MYBL2: variants seen among roughly 807,000 people sequenced by gnomAD.
MYBL2 encodes the protein MYB proto-oncogene like 2.
Under a neutral mutation model 79.9 loss-of-function variants are expected in MYBL2, and 28 were observed. That is an observed-to-expected ratio of 0.35 (90% CI 0.26 to 0.48). The LOEUF is 0.48. Ranked by LOEUF, MYBL2 falls within the 20% of genes least tolerant of loss-of-function variation. The pLI, the probability that MYBL2 is intolerant of heterozygous loss-of-function variation, is 0.99. For missense variants in MYBL2, 735 were observed against 893.9 expected (o/e 0.82, Z 2.27); for synonymous variants, 378 against 361.2 (o/e 1.05, Z -0.53).
intron 9 of MYBL2, among the ~76,000 whole-genome samples, chr20:43,707,760 T>G (rs1390812791): frequency 1.3e-5 from 2 of 152,058 alleles, no homozygotes; most frequent in Non-Finnish European, 2.9e-5. Context: ...GGTATTTCTC[T>G]ATTTTTTTCC....
At chr20:43,670,898 T>A (rs1473240796) in intron 1 of MYBL2, among the ~76,000 whole-genome samples, 1 of 151,954 alleles carries the variant, frequency 6.6e-6, no homozygotes, top group Non-Finnish European at 1.5e-5. Context: ...CGGGTGGAGT[T>A]GGGGAAAGAT....
At chr20:43,684,802 A>T (rs1987228615) in intron 4 of MYBL2, among the ~76,000 whole-genome samples, 1 of 149,270 alleles carries the variant, frequency 6.7e-6, no homozygotes, top group African/African-American at 2.5e-5. Flanking sequence ...ACACCACTGT[A>T]CTCCAGTCTG....
intron 6 of MYBL2, among the ~76,000 whole-genome samples, chr20:43,695,037 A>T (rs1479709763): frequency 4.9e-5 from 7 of 144,032 alleles, no homozygotes; most frequent in African/African-American, 7.7e-5. Flanking sequence ...CAGGAGGTCA[A>T]TTTTTTTTTT....
In MYBL2 at chr20:43,716,283, T is replaced by A; in HGVS notation, c.*196T>A. The A allele has an allele frequency of 1.3e-6, 1 of 766,494 alleles. No individual in the cohort carries two copies. Among genetic ancestry groups the A allele is most frequent in the East Asian group, 3.0e-5 (1 of 32,926 alleles). The allele number at this position is 766,494 out of a possible 1,614,324, so 47.5% of individuals were successfully genotyped here. A position where few individuals can be genotyped will look rare whatever the true frequency, so the allele number is the denominator to read the frequency against. ...GAGCCCAGCTGTGGGCGGCTCCTGG[T>A]GCTAACAACAAAGTTCCACTTCCAG... On this transcript the variant is annotated 3_prime_UTR_variant, in exon 14 of 14. Transcript: ENST00000217026.
chr20:43,713,402 T>C (rs2145736955), intron 12 of MYBL2, among the ~76,000 whole-genome samples: 1 of 151,822 alleles, frequency 6.6e-6, no homozygotes, highest in Middle Eastern at 3.4e-3. Flanking sequence ...TTTTTTTTTT[T>C]TTGAATTGGA....
intron 9 of MYBL2, 89 bp from the exon 10 acceptor site, chr20:43,709,874 C>T (rs1987866530): frequency 6.5e-6 from 7 of 1,075,138 alleles, no homozygotes; most frequent in Non-Finnish European, 5.4e-6. Flanking sequence ...GGCCAAAGGT[C>T]GCACTGGGGG....
At chr20:43,687,279 C>A (rs545863213) in intron 5 of MYBL2, among the ~76,000 whole-genome samples, 38 of 152,300 alleles carry the variant, frequency 2.5e-4, no homozygotes, top group African/African-American at 8.4e-4. Flanking sequence ...CTTAAAAGAA[C>A]AGATGGTGAT....
At chr20:43,706,975 A>G (rs908124303) in intron 9 of MYBL2, among the ~76,000 whole-genome samples, 6 of 151,154 alleles carry the variant, frequency 4.0e-5, no homozygotes, top group East Asian at 2.0e-4. Context: ...CGGCTTCCCA[A>G]AGTGCTGGGA....
At chr20:43,686,119 A>G (rs2145717409) in intron 4 of MYBL2, among the ~76,000 whole-genome samples, 1 of 152,332 alleles carries the variant, frequency 6.6e-6, no homozygotes, top group East Asian at 1.9e-4. Flanking sequence ...TTGCTATAAA[A>G]ATTTAAACCA....
intron 5 of MYBL2, among the ~76,000 whole-genome samples, chr20:43,689,943 A>G (rs1987366656): frequency 1.3e-5 from 2 of 152,222 alleles, no homozygotes; most frequent in South Asian, 2.1e-4. Context: ...CTGTGACTCA[A>G]GAGTTTCAGG....
At chr20:43,704,615 G>C (rs1987740260) in intron 8 of MYBL2, among the ~76,000 whole-genome samples, 1 of 152,268 alleles carries the variant, frequency 6.6e-6, no homozygotes, top group South Asian at 2.1e-4. Context: ...AGAGAGCGGG[G>C]TGCTTCAAAG....
intron 6 of MYBL2, 45 bp downstream of exon 6, chr20:43,692,364 A>G (rs1454410398): frequency 6.2e-7 from 1 of 1,605,614 alleles, no homozygotes; most frequent in Non-Finnish European, 8.5e-7. Context: ...TTTCACATTC[A>G]TCTGACACCA....
chr20:43,697,010 C>G (rs1321748600), intron 6 of MYBL2, among the ~76,000 whole-genome samples: 1 of 152,292 alleles, frequency 6.6e-6, no homozygotes, highest in Admixed American at 6.5e-5. Context: ...CAGGCGTGAG[C>G]CACTGCGCCC....
At chr20:43,673,963 G>GAGT in intron 2 of MYBL2, 64 bp downstream of exon 2, 3 of 1,382,232 alleles carry the variant, frequency 2.2e-6, no homozygotes, top group East Asian at 2.5e-5. Context: ...ACTGAGCCTG[G>GAGT]AGTGTATTTG....
At position 43,710,073 on chromosome 20, in the gene MYBL2, T is replaced by C. The variant is rs372727342; in HGVS notation, c.1605+11T>C. 1.7e-5 allele frequency: 27 copies of C among 1,590,342 alleles called. No homozygotes were observed. The African/African-American group carries it at 2.3e-4, about 13-fold the overall frequency. On this transcript the variant is annotated intron_variant, in intron 10 of 13. Transcript: ENST00000217026. Reference sequence around the variant, plus strand: ...CCCCTGAAGCCCCTGGTACGTGGTGTGGTCGCTGCCGTGGATCTCTGCACA... The same window carrying C: ...CCCCTGAAGCCCCTGGTACGTGGTGCGGTCGCTGCCGTGGATCTCTGCACA...
rs867055866 is a variant in MYBL2, at chr20:43,674,233, C to T, written c.114+334C>T. On this transcript the variant is annotated intron_variant, in intron 2 of 13. Transcript: ENST00000217026. ...TGGCCAAATCTGTAACTCCCCCCACCCTTTTTTTTTTTTTTTTTTTGAGAC... is the reference window on the plus strand; with the variant it reads ...TGGCCAAATCTGTAACTCCCCCCACTCTTTTTTTTTTTTTTTTTTTGAGAC... Among the ~76,000 whole-genome samples the T allele has an allele frequency of 1.9e-4, 19 of 98,112 alleles. 2 individuals are homozygous for T. Among genetic ancestry groups the T allele is most frequent in the African/African-American group, 6.4e-4 (19 of 29,830 alleles). 64.4% of individuals were successfully genotyped at this position (98,112 alleles called of 152,430 possible).
At chr20:43,692,095 T>C (rs1347587955) in intron 5 of MYBL2, 62 bp from the exon 6 acceptor site, 6 of 1,545,350 alleles carry the variant, frequency 3.9e-6, no homozygotes, top group African/African-American at 1.4e-5. Context: ...AGGTTAGTGA[T>C]GTGCCTGATG....
intron 8 of MYBL2, among the ~76,000 whole-genome samples, chr20:43,704,471 G>A (rs1375136216): frequency 6.6e-6 from 1 of 152,166 alleles, no homozygotes; most frequent in Non-Finnish European, 1.5e-5. Flanking sequence ...GGAAGGCAGC[G>A]GGTCCCTCAG....
intron 6 of MYBL2, among the ~76,000 whole-genome samples, chr20:43,696,885 C>G (rs1385814203): frequency 6.6e-6 from 1 of 152,296 alleles, no homozygotes; most frequent in African/African-American, 2.4e-5. Context: ...CAGCACCATG[C>G]CCAGCTAATT....
Sources: allele counts gnomAD v4.1 joint callset (sites outside exome capture counted in the v4.1 genomes callset), GRCh38; gene constraint gnomAD v4.1.1; transcripts MANE v1.5; gene names NCBI Gene and HGNC (gene_info 2026-07-23, HGNC 2026-07-21).